Variants in PTPRD observed in about 807,000 individuals in gnomAD.
PTPRD encodes receptor-type tyrosine-protein phosphatase delta.
A neutral mutation model predicts 214.5 loss-of-function variants in PTPRD; 34 were observed. The observed-to-expected ratio is 0.16, with a 90% CI of 0.12 to 0.21. The LOEUF is 0.21. Ranked by LOEUF, PTPRD falls within the 10% of genes least tolerant of loss-of-function variation. The pLI is 1.00. For missense variants in PTPRD, 2,545 were observed against 2,398.7 expected (o/e 1.06, Z -1.27); for synonymous variants, 1,128 against 845.7 (o/e 1.33, Z -5.79).
chr9:8,585,126 A>C (rs1178668613), intron 14 of PTPRD, among the ~76,000 whole-genome samples: 1 of 152,176 alleles, frequency 6.6e-6, no homozygotes, highest in East Asian at 1.9e-4. Flanking sequence ...TAAGGCTCAA[A>C]TGAATACAAT....
At chr9:9,480,614 T>C (rs2095366462) in intron 8 of PTPRD, among the ~76,000 whole-genome samples, 1 of 152,160 alleles carries the variant, frequency 6.6e-6, no homozygotes, top group Non-Finnish European at 1.5e-5. Flanking sequence ...TTTCCTGCTA[T>C]TGCTCCAGGT....
chr9:9,903,692 C>A (rs1452858915), intron 5 of PTPRD, among the ~76,000 whole-genome samples: 5 of 151,946 alleles, frequency 3.3e-5, no homozygotes, highest in Non-Finnish European at 7.4e-5. Flanking sequence ...AGTTTAAAAC[C>A]ATTCCCTCTT....
chr9:8,883,591 A>T (rs1022085361), intron 11 of PTPRD, among the ~76,000 whole-genome samples: 1 of 152,208 alleles, frequency 6.6e-6, no homozygotes, highest in Non-Finnish European at 1.5e-5. Context: ...ATGCACTCTG[A>T]CATGTTGATT....
intron 9 of PTPRD, among the ~76,000 whole-genome samples, chr9:9,296,473 T>C (rs1318682435): frequency 6.6e-6 from 1 of 151,796 alleles, no homozygotes; most frequent in Non-Finnish European, 1.5e-5. Context: ...CAAGTAGCAA[T>C]GCATTATTTT....
chr9:9,389,507 A>AAAT (rs776378718), intron 9 of PTPRD, among the ~76,000 whole-genome samples: 9 of 152,022 alleles, frequency 5.9e-5, no homozygotes, highest in Non-Finnish European at 1.2e-4. Flanking sequence ...CTCCATCTCA[A>AAAT]AATAATAATA....
chr9:9,024,975 G>T (rs1324522381), intron 10 of PTPRD, among the ~76,000 whole-genome samples: 1 of 151,840 alleles, frequency 6.6e-6, no homozygotes, highest in East Asian at 1.9e-4. Flanking sequence ...TTTAAGTAAA[G>T]TTTTATGCTT....
chr9:9,857,843 A>G (rs1009279309), intron 5 of PTPRD, among the ~76,000 whole-genome samples: 27 of 152,338 alleles, frequency 1.8e-4, no homozygotes, highest in African/African-American at 5.1e-4. Context: ...CTGAAAGAGT[A>G]TAAGTCTGGT....
At chr9:8,431,439 T>C (rs1360952935) in intron 35 of PTPRD, among the ~76,000 whole-genome samples, 2 of 152,188 alleles carry the variant, frequency 1.3e-5, no homozygotes, top group Admixed American at 6.5e-5. Context: ...CTGTTAGCCT[T>C]GGCCCTATAA....
intron 3 of PTPRD, among the ~76,000 whole-genome samples, chr9:10,266,920 G>C (rs1187652682): frequency 6.6e-6 from 1 of 152,078 alleles, no homozygotes; most frequent in East Asian, 1.9e-4. Flanking sequence ...GTTGGGCATG[G>C]TGGCTCACAT....
chr9:9,943,239 T>C (rs2091942123), intron 4 of PTPRD, among the ~76,000 whole-genome samples: 1 of 152,304 alleles, frequency 6.6e-6, no homozygotes, highest in South Asian at 2.1e-4. Flanking sequence ...TCCTAGTTGT[T>C]ACAAAAGATG....
At chr9:9,996,116 A>C (rs868382793) in intron 4 of PTPRD, among the ~76,000 whole-genome samples, 1 of 152,268 alleles carries the variant, frequency 6.6e-6, no homozygotes. Flanking sequence ...TCATTTAAAA[A>C]TATTATCTTT....
intron 2 of PTPRD, among the ~76,000 whole-genome samples, chr9:10,420,260 G>T (rs1027873923): frequency 6.6e-6 from 1 of 151,804 alleles, no homozygotes; most frequent in Non-Finnish European, 1.5e-5. Context: ...TTTACTCTGA[G>T]AATTTATTCC....
At chr9:8,594,903 C>A (rs1455916914) in intron 14 of PTPRD, among the ~76,000 whole-genome samples, 1 of 146,536 alleles carries the variant, frequency 6.8e-6, no homozygotes, top group African/African-American at 2.5e-5. Flanking sequence ...CACTCTGTCA[C>A]CCAGGCTGGA....
chr9:9,531,693 T>A (rs2075504296), intron 8 of PTPRD, among the ~76,000 whole-genome samples: 1 of 152,136 alleles, frequency 6.6e-6, no homozygotes. Flanking sequence ...TGTTTCTAGC[T>A]TTGGGGTATT....
At chr9:8,749,379 G>C (rs2093280030) in intron 11 of PTPRD, among the ~76,000 whole-genome samples, 2 of 152,070 alleles carry the variant, frequency 1.3e-5, no homozygotes, top group African/African-American at 4.8e-5. Context: ...GTAGAGACGG[G>C]GTTTCACCAC....
intron 2 of PTPRD, among the ~76,000 whole-genome samples, chr9:10,399,539 A>T (rs888383928): frequency 6.6e-6 from 1 of 151,984 alleles, no homozygotes; most frequent in African/African-American, 2.4e-5. Flanking sequence ...TAGTTTTAAG[A>T]GGCTTCATGA....
chr9:9,341,567 T>C (rs1222129870), intron 9 of PTPRD, among the ~76,000 whole-genome samples: 1 of 152,120 alleles, frequency 6.6e-6, no homozygotes, highest in Non-Finnish European at 1.5e-5. Flanking sequence ...CACTTACTGC[T>C]TGGCTGACCC....
intron 35 of PTPRD, among the ~76,000 whole-genome samples, chr9:8,422,858 T>A (rs1250100733): frequency 6.6e-6 from 1 of 152,180 alleles, no homozygotes; most frequent in Non-Finnish European, 1.5e-5. Flanking sequence ...TTACTGGTAG[T>A]GGGTGGTAAA....
intron 39 of PTPRD, among the ~76,000 whole-genome samples, chr9:8,352,082 G>GT (rs2075658001): frequency 2.3e-5 from 1 of 42,768 alleles, no homozygotes; most frequent in African/African-American, 1.5e-4. Flanking sequence ...GGCCTAATCT[G>GT]ATTTTTTTTT....
Sources: allele counts gnomAD v4.1 joint callset (sites outside exome capture counted in the v4.1 genomes callset), GRCh38; gene constraint gnomAD v4.1.1; transcripts MANE v1.5; gene names NCBI Gene and HGNC (gene_info 2026-07-23, HGNC 2026-07-21).